Variants in RBM5 observed in about 807,000 individuals in gnomAD.
The protein encoded by RBM5 is RNA-binding protein 5.
In RBM5, 15 loss-of-function variants were observed where a neutral mutation model predicts 124.6. That is an observed-to-expected ratio of 0.12 (90% CI 0.08 to 0.19). RBM5 has a LOEUF of 0.19. RBM5 is among the 10% of genes least tolerant of loss of function. The probability of loss-of-function intolerance (pLI) is 1.00; values close to 1 mark genes in which losing one functional copy is unlikely to be tolerated. For synonymous variants in RBM5, 337 were observed against 361.2 expected, an observed-to-expected ratio of 0.93 and a Z score of 0.76; for missense variants, 580 against 1,026.5, an observed-to-expected ratio of 0.57 and a Z score of 5.94.
At chr3:50,098,122 A>G (rs1163086211) in intron 4 of RBM5, among the ~76,000 whole-genome samples, 1 of 152,172 alleles carries the variant, frequency 6.6e-6, no homozygotes, top group Non-Finnish European at 1.5e-5. Flanking sequence ...AAAGTTTATC[A>G]TCAGGCTCTT....
At chr3:50,104,956 TAAA>T in intron 8 of RBM5, 118 bp from the exon 9 acceptor site, 1 of 793,242 alleles carries the variant, frequency 1.3e-6, no homozygotes, top group Non-Finnish European at 2.0e-6. Context: ...CACAAATGCT[TAAA>T]AAAGAAAAAA....
intron 8 of RBM5, chr3:50,104,607 C>T: frequency 3.1e-6 from 1 of 317,702 alleles, no homozygotes. Flanking sequence ...CATACCACTG[C>T]ACTCCAGCCT....
At chr3:50,110,598 G>A in intron 16 of RBM5, 81 bp from the exon 17 acceptor site, 1 of 1,446,962 alleles carries the variant, frequency 6.9e-7, no homozygotes, top group East Asian at 2.3e-5. Flanking sequence ...CATTAGGCCT[G>A]CTGCATCTCA....
intron 22 of RBM5, 60 bp downstream of exon 22, chr3:50,116,040 T>G: frequency 6.7e-7 from 1 of 1,488,702 alleles, no homozygotes; most frequent in East Asian, 2.3e-5. Flanking sequence ...TTAGCTTTTA[T>G]TTGTAGCATT....
At chr3:50,092,943 C>CTTTTTTTTTTTTTTTT (rs530934301) in intron 3 of RBM5, 2 of 77,774 alleles carry the variant, frequency 2.6e-5, no homozygotes, top group African/African-American at 7.6e-5. Flanking sequence ...CTTGATATAT[C>CTTTTTTTTTTTTTTTT]TTTTTTTTTT....
At position 50,118,992 on chromosome 3, in the gene RBM5, G is replaced by C. The variant is rs760709149; in HGVS notation, c.*536G>C. On this transcript the variant is annotated 3_prime_UTR_variant, in exon 25 of 25. Coordinates refer to ENST00000347869, the MANE Select transcript of RBM5 (RefSeq NM_005778.4). ...TCCTGTGTCTCTTTATTCTTGGGTG[G>C]GTAGGTGGGTCAAGCATGTCTGAGC... is the stretch of plus-strand genomic sequence containing the variant. 1 of 153,590 alleles carries C rather than the reference G, an allele frequency of 6.5e-6. No homozygotes were observed. Among genetic ancestry groups the C allele is most frequent in the Non-Finnish European group, 1.5e-5 (1 of 68,830 alleles). The allele number at this position is 153,590 out of a possible 1,614,324, so 9.5% of individuals were successfully genotyped here.
At chr3:50,096,777 T>G (rs79619593) in intron 4 of RBM5, among the ~76,000 whole-genome samples, 1 of 143,014 alleles carries the variant, frequency 7.0e-6, no homozygotes, top group East Asian at 2.0e-4. Flanking sequence ...TTATCGTTTG[T>G]TTTTTTTTTT....
intron 4 of RBM5, among the ~76,000 whole-genome samples, chr3:50,095,157 C>T (rs1442147053): frequency 2.0e-5 from 3 of 152,072 alleles, no homozygotes; most frequent in African/African-American, 4.8e-5. Flanking sequence ...GCCAAGATCA[C>T]GCCATTGCAC....
intron 10 of RBM5, among the ~76,000 whole-genome samples, chr3:50,106,126 T>C (rs993774088): frequency 1.7e-4 from 17 of 98,322 alleles, no homozygotes; most frequent in Admixed American, 9.8e-5. Context: ...CTATTTTTTT[T>C]TTTTTTTTTT....
intron 4 of RBM5, chr3:50,099,507 G>T (rs1041768783): frequency 6.5e-6 from 1 of 153,168 alleles, no homozygotes; most frequent in African/African-American, 2.4e-5. Context: ...AGACTAGCCT[G>T]TCCAACACAG....
At position 50,110,777 on chromosome 3, in the gene RBM5, G is replaced by A. The variant is rs1308493570; in HGVS notation, c.1455+7G>A. 2 of 1,595,550 alleles carry A rather than the reference G, an allele frequency of 1.3e-6. No individual in the cohort carries two copies. The highest frequency in any genetic ancestry group is 1.3e-5 in the African/African-American group (1 of 74,624). On this transcript the variant is annotated splice_region_variant and intron_variant, in intron 17 of 24. Coordinates refer to ENST00000347869, the MANE Select transcript of RBM5 (RefSeq NM_005778.4). ...TTATGACCCCAACTCGCAAGTAAAT[G>A]TGCTGCTTTCCTCCTCAATTTCACT... is the stretch of plus-strand genomic sequence containing the variant.
At chr3:50,089,733 C>G (rs2090668874) in intron 1 of RBM5, 1 of 152,456 alleles carries the variant, frequency 6.6e-6, no homozygotes, top group African/African-American at 2.4e-5. Context: ...CGCGGTCCAG[C>G]AGTGTGATGT....
chr3:50,104,750 T>C, intron 8 of RBM5: 1 of 302,604 alleles, frequency 3.3e-6, no homozygotes, highest in Admixed American at 4.5e-5. Context: ...CTTTAAATCT[T>C]TTCCCTTAGG....
intron 4 of RBM5, 77 bp from the exon 5 acceptor site, chr3:50,099,905 G>T: frequency 7.6e-7 from 1 of 1,307,424 alleles, no homozygotes; most frequent in Non-Finnish European, 1.0e-6. Flanking sequence ...TAATTAAACA[G>T]TTGATGTAAT....
chr3:50,095,238 G>A (rs911841938), intron 4 of RBM5, among the ~76,000 whole-genome samples: 3 of 152,168 alleles, frequency 2.0e-5, no homozygotes, highest in African/African-American at 7.2e-5. Flanking sequence ...TTTAGGCTTT[G>A]AAGCTCAATG....
In RBM5 at chr3:50,118,615, G is replaced by A. The variant is rs2091302037; in HGVS notation, c.*159G>A. 4 of 1,201,860 alleles carry A rather than the reference G, an allele frequency of 3.3e-6. No homozygotes were observed. Among genetic ancestry groups the A allele is most frequent in the Admixed American group, 2.4e-5 (1 of 41,750 alleles). The allele number at this position is 1,201,860 out of a possible 1,614,324, so 74.4% of individuals were successfully genotyped here. ...GGGTTCTCCCTCCCACCTTAAAGAA[G>A]TTCCCCTTATGTGGGTTGCCTGGTG... On this transcript the variant is annotated 3_prime_UTR_variant, in exon 25 of 25. Transcript: ENST00000347869.
intron 1 of RBM5, chr3:50,089,994 C>G (rs1027912589): frequency 5.9e-6 from 1 of 168,384 alleles, no homozygotes; most frequent in African/African-American, 2.4e-5. Context: ...AATGAAGACA[C>G]TTGGATTAAT....
Position 50,117,366 on chromosome 3 carries a change from C to G in RBM5, c.2309C>G (p.Thr770Arg). Reference protein sequence around the residue: ...SGLGRKCQGITAPIEAQVRLK... With the variant: ...SGLGRKCQGIRAPIEAQVRLK... ...TTGGGACGAAAGTGTCAAGGCATTA[C>G]GGCTCCCATTGAGGTAAGCAGTGGG... The change falls in exon 24 of 25, where the codon ACG (threonine) becomes AGG (arginine). Residue 770 changes from threonine to arginine, a missense_variant. By Grantham distance (71) the Thr-to-Arg change is moderately conservative. Transcript: ENST00000347869. This position sits in a 1 kb window ranked among gnomAD's most constrained non-coding sequence, Gnocchi z 4.2. 1 of 1,614,028 alleles carries G rather than the reference C, an allele frequency of 6.2e-7. No homozygotes were observed. Among genetic ancestry groups the G allele is most frequent in the Non-Finnish European group, 8.5e-7 (1 of 1,180,032 alleles).
At position 50,100,706 on chromosome 3, in the gene RBM5, T is replaced by C; in HGVS notation, c.483+101T>C. 1.1e-6 allele frequency: 1 copy of C among 912,822 alleles called. No homozygotes were observed. Among genetic ancestry groups the C allele is most frequent in the Non-Finnish European group, 1.6e-6 (1 of 610,220 alleles). The allele number at this position is 912,822 out of a possible 1,614,324, so 56.5% of individuals were successfully genotyped here. On this transcript the variant is annotated intron_variant, in intron 6 of 24. Coordinates refer to ENST00000347869, the MANE Select transcript of RBM5 (RefSeq NM_005778.4). The surrounding 1 kb of genome is among the most constrained non-coding windows in gnomAD (Gnocchi z 5.1). ...GTGGTTTGTTCCAAAGGAGTGACTT[T>C]TTTTTAAAAAAAAAGCTTTGTATAT...
Sources: allele counts gnomAD v4.1 joint callset (sites outside exome capture counted in the v4.1 genomes callset), GRCh38; gene constraint gnomAD v4.1.1; non-coding constraint Gnocchi (gnomAD v3.1); transcripts MANE v1.5; gene names NCBI Gene and HGNC (gene_info 2026-07-23, HGNC 2026-07-21).